PTPN3: variants seen among roughly 807,000 people sequenced by gnomAD.
PTPN3 encodes the protein protein tyrosine phosphatase non-receptor type 3.
Under a neutral mutation model 132.7 loss-of-function variants are expected in PTPN3, and 96 were observed. The observed-to-expected ratio is 0.72, with a 90% confidence interval of 0.61 to 0.86. The LOEUF (loss-of-function observed/expected upper bound fraction) is 0.86. Among genes scored for constraint, PTPN3 ranks in the 40% least tolerant of loss-of-function variants. PTPN3 has a pLI of 0.00. For missense variants in PTPN3, 1,125 were observed against 1,159.6 expected (o/e 0.97, Z 0.43); for synonymous variants, 398 against 429.0 (o/e 0.93, Z 0.89).
At chr9:109,444,218 TCTAC>T (rs1426761491) in intron 7 of PTPN3, among the ~76,000 whole-genome samples, 10 of 152,174 alleles carry the variant, frequency 6.6e-5, no homozygotes, top group Non-Finnish European at 1.5e-4. Context: ...TGCAAATGGC[TCTAC>T]CTGAGTACTA....
At chr9:109,416,029 G>A (rs1842461300) in intron 14 of PTPN3, among the ~76,000 whole-genome samples, 2 of 152,348 alleles carry the variant, frequency 1.3e-5, no homozygotes, top group South Asian at 4.1e-4. Context: ...ATGGTATGCA[G>A]ATCCTTCCTC....
At chr9:109,385,122 C>T (rs1185888752) in intron 22 of PTPN3, among the ~76,000 whole-genome samples, 1 of 152,204 alleles carries the variant, frequency 6.6e-6, no homozygotes, top group Non-Finnish European at 1.5e-5. Flanking sequence ...ATCTGTACTG[C>T]CAGAGAGACT....
At chr9:109,384,323 C>T (rs565459507) in intron 22 of PTPN3, among the ~76,000 whole-genome samples, 2 of 152,354 alleles carry the variant, frequency 1.3e-5, no homozygotes, top group East Asian at 3.9e-4. Flanking sequence ...AGCAGCGTCT[C>T]TGAAGCCCTT....
intron 5 of PTPN3, chr9:109,450,155 A>G: frequency 1.0e-6 from 1 of 984,622 alleles, no homozygotes; most frequent in Non-Finnish European, 1.2e-6. Context: ...TAACTCTAAT[A>G]TTATTACTTT....
chr9:109,435,040 T>C (rs558876230), intron 9 of PTPN3, among the ~76,000 whole-genome samples: 20 of 152,256 alleles, frequency 1.3e-4, no homozygotes, highest in East Asian at 1.9e-4. Flanking sequence ...AAGGGTAGAA[T>C]TGCATTTAAA....
At chr9:109,468,436 G>A (rs1588476378) in intron 1 of PTPN3, among the ~76,000 whole-genome samples, 2 of 151,784 alleles carry the variant, frequency 1.3e-5, no homozygotes, top group Admixed American at 1.3e-4. Context: ...GCGTGATCTC[G>A]GCTCACTGCA....
the PTPN3 span, among the ~76,000 whole-genome samples, chr9:109,523,533 A>G: frequency 1.4e-5 from 1 of 73,572 alleles, no homozygotes; most frequent in Admixed American, 1.5e-4. Flanking sequence ...CCCTCCAGGC[A>G]TATTTCCCAA....
At chr9:109,443,297 G>A (rs558399852) in intron 7 of PTPN3, among the ~76,000 whole-genome samples, 2 of 151,768 alleles carry the variant, frequency 1.3e-5, no homozygotes, top group Admixed American at 1.3e-4. Flanking sequence ...TGCCAGTCTC[G>A]ACCTCCTGGG....
In PTPN3 at chr9:109,420,549, T is replaced by C. The variant is rs146095498; in HGVS notation, c.1188A>G (p.Ala396=). Residue 396 remains alanine, a synonymous_variant, in exon 14 of 26, where the codon GCA becomes GCG. Transcript: ENST00000374541. ...AGGTCATTTCATTTGCAAGGTTATC[T>C]GCAGAAGAGTGGCGTGGCTTTCGGA... is the stretch of plus-strand genomic sequence containing the variant. ...HEIRKPRHSS[A]DNLANEMTYI... is the part of the protein sequence containing the mutation. 6.2e-7 allele frequency: 1 copy of C among 1,612,886 alleles called. No individual in the cohort carries two copies. The highest frequency in any genetic ancestry group is 1.3e-5 in the African/African-American group (1 of 74,910).
intron 1 of PTPN3, among the ~76,000 whole-genome samples, chr9:109,486,421 C>T (rs1026851162): frequency 2.0e-5 from 3 of 151,978 alleles, no homozygotes; most frequent in Non-Finnish European, 4.4e-5. Flanking sequence ...ATGGGAGAAG[C>T]GAGAGAACTC....
chr9:109,476,564 G>C (rs1248681550), intron 1 of PTPN3, among the ~76,000 whole-genome samples: 1 of 152,178 alleles, frequency 6.6e-6, no homozygotes, highest in Non-Finnish European at 1.5e-5. Context: ...AGAGTGGTCC[G>C]TGACTGGACC....
At chr9:109,407,211 A>G (rs1295150059) in intron 17 of PTPN3, among the ~76,000 whole-genome samples, 2 of 152,168 alleles carry the variant, frequency 1.3e-5, no homozygotes, top group African/African-American at 4.8e-5. Context: ...ACTGCTTTAA[A>G]AAAGCAGATG....
At chr9:109,472,245 T>G (rs972062291) in intron 1 of PTPN3, among the ~76,000 whole-genome samples, 5 of 152,190 alleles carry the variant, frequency 3.3e-5, no homozygotes, top group Admixed American at 3.3e-4. Context: ...TGAGTTCACA[T>G]CATTCACCAA....
intron 8 of PTPN3, 103 bp downstream of exon 8, chr9:109,438,011 G>A: frequency 3.7e-6 from 5 of 1,340,162 alleles, no homozygotes; most frequent in Non-Finnish European, 5.0e-6. Context: ...CTTGAAAGAG[G>A]ATTCATGCAC....
intron 19 of PTPN3, among the ~76,000 whole-genome samples, chr9:109,402,459 A>T (rs927987967): frequency 6.6e-6 from 1 of 151,728 alleles, no homozygotes; most frequent in Non-Finnish European, 1.5e-5. Context: ...TTGTATTTTT[A>T]ATAGAGACAG....
In PTPN3 at chr9:109,432,193, A is replaced by T. The variant is rs1194108852; in HGVS notation, c.764+880T>A. 2.6e-5 allele frequency among the ~76,000 whole-genome samples: 4 copies of T among 151,818 alleles called. 1 individual carries two copies. The highest frequency in any genetic ancestry group is 3.9e-4 in the East Asian group (2 of 5,186). On this transcript the variant is annotated intron_variant, in intron 10 of 25. Transcript: ENST00000374541. ...TGTTATAAATAATGCTGTGATGAAC[A>T]TCTTTGTGTTTCAGGTAATGAAATT...
At position 109,406,461 on chromosome 9, in the gene PTPN3, C is replaced by T; in HGVS notation, c.1792+1G>A. The T allele has an allele frequency of 3.7e-6, 6 of 1,613,662 alleles. No individual in the cohort carries two copies. Among genetic ancestry groups the T allele is most frequent in the Non-Finnish European group, 5.1e-6 (6 of 1,179,648 alleles). On this transcript the variant is annotated splice_donor_variant, in intron 18 of 25. Coordinates refer to ENST00000374541, the MANE Select transcript of PTPN3 (RefSeq NM_002829.4). LOFTEE classifies it high-confidence loss of function. ...GGCTCCTCCCCCCAGGTGGCCATTA[C>T]CTCTCCTCCTGATCACCAGGGCCAG...
At position 109,377,848 on chromosome 9, in the gene PTPN3, A is replaced by G. The variant is rs1838705659; in HGVS notation, c.*1708T>C. Reference sequence around the variant, plus strand: ...AGAGCTTCTAAGCAACCAGGCCCGCAAGTAGTTAGTGCTGAGTGGGCGTAG... The same window carrying G: ...AGAGCTTCTAAGCAACCAGGCCCGCGAGTAGTTAGTGCTGAGTGGGCGTAG... On this transcript the variant is annotated 3_prime_UTR_variant, in exon 26 of 26. Transcript: ENST00000374541. 6.6e-6 allele frequency: 1 copy of G among 152,194 alleles called. No individual in the cohort carries two copies. The highest frequency in any genetic ancestry group is 1.5e-5 in the Non-Finnish European group (1 of 68,038). The allele number at this position is 152,194 out of a possible 1,614,324, so 9.4% of individuals were successfully genotyped here.
intron 19 of PTPN3, among the ~76,000 whole-genome samples, chr9:109,399,908 C>G (rs1028916529): frequency 6.6e-6 from 1 of 151,762 alleles, no homozygotes; most frequent in Admixed American, 6.6e-5. Flanking sequence ...ACTAGACGAC[C>G]CAGAGCTCCA....
Sources: allele counts gnomAD v4.1 joint callset (sites outside exome capture counted in the v4.1 genomes callset), GRCh38; gene constraint gnomAD v4.1.1; transcripts MANE v1.5; gene names NCBI Gene and HGNC (gene_info 2026-07-23, HGNC 2026-07-21).